HDAC9: variants seen among roughly 807,000 people sequenced by gnomAD.
HDAC9 encodes the protein MEF-2 interacting transcription repressor (MITR) protein.
In HDAC9, 41 loss-of-function variants were observed where a neutral mutation model predicts 139.4. That is an observed-to-expected ratio of 0.29 (90% CI 0.23 to 0.38). HDAC9 has a LOEUF of 0.38. Among genes scored for constraint, HDAC9 ranks in the 10% least tolerant of loss-of-function variants. HDAC9 has a pLI of 1.00. For missense variants in HDAC9, 1,147 were observed against 1,297.0 expected, an observed-to-expected ratio of 0.88 and a Z score of 1.78; for synonymous variants, 517 against 476.2, an observed-to-expected ratio of 1.09 and a Z score of -1.12.
At chr7:18,866,467 GT>G (rs1798505925) in intron 21 of HDAC9, among the ~76,000 whole-genome samples, 1 of 152,018 alleles carries the variant, frequency 6.6e-6, no homozygotes, top group Admixed American at 6.5e-5. Flanking sequence ...TTTCTTCCTT[GT>G]TGGTTGCCCG....
intron 1 of HDAC9, among the ~76,000 whole-genome samples, chr7:18,295,449 A>G (rs1046954785): frequency 6.6e-6 from 1 of 152,204 alleles, no homozygotes; most frequent in Non-Finnish European, 1.5e-5. Context: ...TTGCATTTTA[A>G]CATACTGACT....
At chr7:18,717,483 G>A (rs1784791222) in intron 12 of HDAC9, among the ~76,000 whole-genome samples, 1 of 148,774 alleles carries the variant, frequency 6.7e-6, no homozygotes, top group South Asian at 2.1e-4. Flanking sequence ...CCAGGCTGGA[G>A]TACAGTGGCG....
rs1166405971 is a variant in HDAC9 at position 18,667,632 on chromosome 7, T to C, written c.1731+1156T>C. On this transcript the variant is annotated intron_variant, in intron 12 of 25. Coordinates refer to ENST00000686413, the MANE Select transcript of HDAC9 (RefSeq NM_178425.4). ...GTTCTCCTACAGAAAAGTGATTCTG[T>C]GAGGGTGAACAGGAAATGCCTTGTG... 4 of 985,088 alleles carry C rather than the reference T, an allele frequency of 4.1e-6. No individual in the cohort carries two copies. In the East Asian group the frequency reaches 4.5e-4, roughly 112 times the overall value. 61.0% of individuals were successfully genotyped at this position (985,088 alleles called of 1,614,324 possible).
rs76801995 is a variant in HDAC9 at position 18,334,731 on chromosome 7, T to A, written c.-42+44216T>A. ...TTGTAAAGAAGGAATGTTAGCAAAT[T>A]TTAGGAATATATGAAGAGGGTGGAG... is the stretch of plus-strand genomic sequence containing the variant. On this transcript the variant is annotated intron_variant, in intron 1 of 3. Coordinates refer to the HDAC9 transcript ENST00000413509. Among the ~76,000 whole-genome samples, 26 of 151,452 alleles carry A rather than the reference T, an allele frequency of 1.7e-4. 1 individual carries two copies. In the East Asian group the frequency reaches 5.1e-3, roughly 30 times the overall value.
intron 23 of HDAC9, among the ~76,000 whole-genome samples, chr7:18,950,772 T>C (rs2129321797): frequency 6.6e-6 from 1 of 152,010 alleles, no homozygotes; most frequent in African/African-American, 2.4e-5. Context: ...GGTAAGGTTT[T>C]ACCAATTCAA....
At chr7:18,171,342 T>G (rs1411630320) in intron 2 of HDAC9, among the ~76,000 whole-genome samples, 2 of 152,212 alleles carry the variant, frequency 1.3e-5, no homozygotes, top group African/African-American at 2.4e-5. Flanking sequence ...AAGGAGATTT[T>G]GGGCTGAGAT....
intron 1 of HDAC9, among the ~76,000 whole-genome samples, chr7:18,291,611 T>C (rs547329705): frequency 6.6e-6 from 1 of 152,080 alleles, no homozygotes; most frequent in African/African-American, 2.4e-5. Flanking sequence ...TCTGAGCATA[T>C]TGGGCTGTCT....
intron 1 of HDAC9, among the ~76,000 whole-genome samples, chr7:18,431,047 G>GTCCTA (rs912082291): frequency 6.6e-6 from 1 of 151,316 alleles, no homozygotes; most frequent in African/African-American, 2.4e-5. Flanking sequence ...GTCCTGTCCT[G>GTCCTA]TCCTGTCCTG....
intron 1 of HDAC9, among the ~76,000 whole-genome samples, chr7:18,410,555 C>A (rs1180569130): frequency 3.9e-5 from 6 of 152,114 alleles, no homozygotes; most frequent in Non-Finnish European, 8.8e-5. Context: ...TATATACATA[C>A]ATACACTGAT....
rs1443385951 is a variant in HDAC9 at position 18,952,177 on chromosome 7, CT to C, written c.2938-1968del. On this transcript the variant is annotated intron_variant, in intron 23 of 25. Coordinates refer to ENST00000686413, the MANE Select transcript of HDAC9 (RefSeq NM_178425.4). ...TGATCAATTTAATTGCCTTAATTCTCTGAATTGCTTTTTAAAATAGACACAA... is the reference window on the plus strand; with the variant it reads ...TGATCAATTTAATTGCCTTAATTCTCGAATTGCTTTTTAAAATAGACACAA... Among the ~76,000 whole-genome samples, 3 of 151,924 alleles carry C rather than the reference CT, an allele frequency of 2.0e-5. No individual in the cohort carries two copies. The South Asian group carries it at 6.2e-4, about 31-fold the overall frequency.
chr7:18,361,809 G>GGA (rs528818096), intron 1 of HDAC9, among the ~76,000 whole-genome samples: 236 of 151,226 alleles, frequency 1.6e-3, no homozygotes, highest in African/African-American at 5.4e-3. Context: ...TTTATTGCAA[G>GGA]GAGAGAGAGA....
intron 1 of HDAC9, among the ~76,000 whole-genome samples, chr7:18,368,671 T>C (rs17139121): frequency 0.26 from 39,478 of 151,952 alleles, 5,429 homozygotes; most frequent in East Asian, 0.36. Context: ...ACCCTTTCCA[T>C]TATCTAAGCT....
At chr7:18,683,342 C>T (rs1337618601) in intron 12 of HDAC9, among the ~76,000 whole-genome samples, 1 of 151,920 alleles carries the variant, frequency 6.6e-6, no homozygotes, top group South Asian at 2.1e-4. Context: ...ATATATAAAG[C>T]ACAAAACCTG....
At chr7:18,401,904 T>G (rs914233248) in intron 1 of HDAC9, among the ~76,000 whole-genome samples, 2 of 152,232 alleles carry the variant, frequency 1.3e-5, no homozygotes, top group African/African-American at 2.4e-5. Context: ...AATATAACTT[T>G]TGTTGATATT....
Position 18,893,050 on chromosome 7 carries a change from AAAAAG to A in HDAC9, c.2803+18467_2803+18471del, listed in dbSNP as rs1400914435. ...AATAGGCCGAAAAAAAAAAAAAAAA[AAAAAG>A]AAAAGAAAAGAACCCTAAGTGCTTT... is the stretch of plus-strand genomic sequence containing the variant. On this transcript the variant is annotated intron_variant, in intron 22 of 25. Transcript: ENST00000686413. 5.0e-4 allele frequency among the ~76,000 whole-genome samples: 74 copies of A among 149,002 alleles called. 1 individual carries two copies. The East Asian group carries it at 8.4e-3, about 17-fold the overall frequency.
intron 1 of HDAC9, among the ~76,000 whole-genome samples, chr7:18,320,660 G>A (rs1197032150): frequency 6.6e-6 from 1 of 152,148 alleles, no homozygotes; most frequent in Non-Finnish European, 1.5e-5. Flanking sequence ...TGAGGAGGAA[G>A]GGATCTCTAT....
chr7:18,722,814 C>G (rs1245072511), intron 12 of HDAC9, among the ~76,000 whole-genome samples: 1 of 152,106 alleles, frequency 6.6e-6, no homozygotes, highest in Non-Finnish European at 1.5e-5. Context: ...CTTCTATAGT[C>G]CTATTTTGAA....
At chr7:18,201,134 C>T (rs921900916) in intron 2 of HDAC9, among the ~76,000 whole-genome samples, 14 of 152,138 alleles carry the variant, frequency 9.2e-5, no homozygotes, top group Admixed American at 1.3e-4. Flanking sequence ...GAACGGGTCT[C>T]TGCAAGTCTA....
chr7:18,967,164 A>C (rs1783914716), intron 24 of HDAC9, among the ~76,000 whole-genome samples: 1 of 152,332 alleles, frequency 6.6e-6, no homozygotes, highest in Non-Finnish European at 1.5e-5. Context: ...ACCAAAACAA[A>C]ACAAAAATAA....
Sources: allele counts gnomAD v4.1 joint callset (sites outside exome capture counted in the v4.1 genomes callset), GRCh38; gene constraint gnomAD v4.1.1; transcripts MANE v1.5; gene names NCBI Gene and HGNC (gene_info 2026-07-23, HGNC 2026-07-21).